ZHX1: variants seen among roughly 807,000 people sequenced by gnomAD.
ZHX1 encodes the protein zinc fingers and homeoboxes protein 1.
Under a neutral mutation model 61.8 loss-of-function variants are expected in ZHX1, and 20 were observed. That is an observed-to-expected ratio of 0.32 (90% CI 0.23 to 0.47). The LOEUF (loss-of-function observed/expected upper bound fraction) is 0.47. ZHX1 is among the 20% of genes least tolerant of loss of function. The pLI is 1.00. For synonymous variants in ZHX1, 318 were observed against 352.6 expected (o/e 0.90, Z 1.10); for missense variants, 800 against 1,034.8 (o/e 0.77, Z 3.11).
chr8:123,250,759 G>C (rs1371741535), intron 3 of ZHX1, among the ~76,000 whole-genome samples: 1 of 152,188 alleles, frequency 6.6e-6, no homozygotes, highest in African/African-American at 2.4e-5. Flanking sequence ...TAACTATTTA[G>C]AGAAGGCTAT....
Position 123,250,004 on chromosome 8 carries a change from T to C in ZHX1, c.*320A>G. On this transcript the variant is annotated 3_prime_UTR_variant, in exon 4 of 4. Coordinates refer to ENST00000395571, the MANE Select transcript of ZHX1 (RefSeq NM_007222.5). The stretch of plus-strand genomic sequence containing the variant: ...TGAATATGAGGACAAGCTCTAGTGG[T>C]CATTAAACCCCCTCAGAAAGTCTAA... 1 of 304,736 alleles carries C rather than the reference T, an allele frequency of 3.3e-6. No individual in the cohort carries two copies. The highest frequency in any genetic ancestry group is 2.7e-5 in the South Asian group (1 of 36,412). The allele number at this position is 304,736 out of a possible 1,614,324, so 18.9% of individuals were successfully genotyped here.
chr8:123,262,321 G>C (rs1438293179), intron 2 of ZHX1, among the ~76,000 whole-genome samples: 1 of 152,056 alleles, frequency 6.6e-6, no homozygotes, highest in African/African-American at 2.4e-5. Flanking sequence ...AAGGAATATG[G>C]AAAAACTACC....
At chr8:123,260,450 T>C (rs1826212098) in intron 2 of ZHX1, among the ~76,000 whole-genome samples, 1 of 149,874 alleles carries the variant, frequency 6.7e-6, no homozygotes, top group Admixed American at 6.7e-5. Flanking sequence ...AATATAAAAG[T>C]TAGCCGGGCG....
chr8:123,267,712 A>T (rs1022968081), intron 1 of ZHX1, among the ~76,000 whole-genome samples: 6 of 152,166 alleles, frequency 3.9e-5, no homozygotes, highest in Admixed American at 6.6e-5. Context: ...CTTTAAAATG[A>T]GTATACCGGC....
chr8:123,268,160 A>G (rs773909284), intron 1 of ZHX1, among the ~76,000 whole-genome samples: 1 of 152,224 alleles, frequency 6.6e-6, no homozygotes, highest in Non-Finnish European at 1.5e-5. Context: ...AGGATTATTA[A>G]TGCTGACAAC....
Position 123,256,144 on chromosome 8 carries a change from G to A in ZHX1, c.-198C>T. Reference sequence around the variant, plus strand: ...GCAGATAAAATACTGCTGAATTTCTGAAATTTTTGAAGCACAACTCCAATC... The same window carrying A: ...GCAGATAAAATACTGCTGAATTTCTAAAATTTTTGAAGCACAACTCCAATC... On this transcript the variant is annotated 5_prime_UTR_variant, in exon 3 of 4. It introduces an in-frame stop codon into an upstream open reading frame of the 5' UTR. Transcript: ENST00000395571. 2.3e-6 allele frequency: 1 copy of A among 435,152 alleles called. No homozygotes were observed. The allele number at this position is 435,152 out of a possible 1,614,324, so 27.0% of individuals were successfully genotyped here.
At chr8:123,260,246 C>T (rs755833613) in intron 2 of ZHX1, among the ~76,000 whole-genome samples, 3 of 152,120 alleles carry the variant, frequency 2.0e-5, no homozygotes, top group East Asian at 1.9e-4. Flanking sequence ...CCAAATTCCA[C>T]GAATCTTACA....
intron 2 of ZHX1, 52 bp from the exon 3 acceptor site, chr8:123,256,223 T>C (rs1826066148): frequency 1.1e-5 from 3 of 281,022 alleles, no homozygotes; most frequent in Non-Finnish European, 2.0e-5. Context: ...TATGATCTTT[T>C]AAACAAATTA....
intron 1 of ZHX1, chr8:123,273,632 C>A (rs1200914939): frequency 2.0e-5 from 3 of 152,262 alleles, no homozygotes; most frequent in African/African-American, 7.2e-5. Flanking sequence ...GAAGGGTTTG[C>A]TGGGGCTCCA....
rs573645796 is a variant in ZHX1 at position 123,263,592 on chromosome 8, G to C, written c.-226+3681C>G. On this transcript the variant is annotated intron_variant, in intron 2 of 3. Coordinates refer to ENST00000395571, the MANE Select transcript of ZHX1 (RefSeq NM_007222.5). ...CACATCTGTAATTCCAGCACTTTGG[G>C]AGGCCAAAGTGGGCAGATCAATTGA... Among the ~76,000 whole-genome samples, 3 of 152,208 alleles carry C rather than the reference G, an allele frequency of 2.0e-5. No homozygotes were observed. The South Asian group carries it at 6.2e-4, about 32-fold the overall frequency.
chr8:123,252,559 T>G (rs2131186548), intron 3 of ZHX1: 1 of 152,308 alleles, frequency 6.6e-6, no homozygotes, highest in South Asian at 2.1e-4. Flanking sequence ...AGCAATTGGG[T>G]TTATATCAAA....
intron 2 of ZHX1, among the ~76,000 whole-genome samples, chr8:123,262,484 T>G (rs773122052): frequency 3.9e-5 from 6 of 152,216 alleles, no homozygotes; most frequent in Admixed American, 2.0e-4. Context: ...ATGTGTGATA[T>G]TCACAAGTTT....
chr8:123,267,713 G>A (rs1826502650), intron 1 of ZHX1, among the ~76,000 whole-genome samples: 1 of 152,094 alleles, frequency 6.6e-6, no homozygotes, highest in African/African-American at 2.4e-5. Context: ...TTTAAAATGA[G>A]TATACCGGCC....
intron 3 of ZHX1, chr8:123,252,384 A>C (rs1825943021): frequency 6.6e-6 from 1 of 152,234 alleles, no homozygotes; most frequent in Non-Finnish European, 1.5e-5. Context: ...ACTTTAATTA[A>C]TCCAATTTAT....
intron 2 of ZHX1, among the ~76,000 whole-genome samples, chr8:123,261,798 A>T (rs952947793): frequency 7.2e-5 from 11 of 152,220 alleles, no homozygotes; most frequent in African/African-American, 2.7e-4. Flanking sequence ...ACATTTTTTA[A>T]TATTATAAAT....
chr8:123,251,391 T>G (rs1825914817), intron 3 of ZHX1, among the ~76,000 whole-genome samples: 1 of 152,242 alleles, frequency 6.6e-6, no homozygotes, highest in Non-Finnish European at 1.5e-5. Flanking sequence ...AGTGCATGTA[T>G]AGCATACATC....
At chr8:123,259,779 T>C (rs1826190253) in intron 2 of ZHX1, among the ~76,000 whole-genome samples, 1 of 152,240 alleles carries the variant, frequency 6.6e-6, no homozygotes, top group South Asian at 2.1e-4. Flanking sequence ...TTCCTCAAAG[T>C]GGTGGTTTTC....
intron 2 of ZHX1, among the ~76,000 whole-genome samples, chr8:123,265,189 C>CAAAA (rs34237102): frequency 1.0e-5 from 1 of 99,632 alleles, no homozygotes; most frequent in Non-Finnish European, 2.1e-5. Context: ...AACTCTGTCT[C>CAAAA]AAAAAAAAAA....
In ZHX1 at chr8:123,249,041, A is replaced by T. The variant is rs1203467707; in HGVS notation, c.*1283T>A. The T allele has an allele frequency of 6.6e-6, 1 of 152,630 alleles. No individual in the cohort carries two copies. Among genetic ancestry groups the T allele is most frequent in the Non-Finnish European group, 1.5e-5 (1 of 68,016 alleles). The allele number at this position is 152,630 out of a possible 1,614,324, so 9.5% of individuals were successfully genotyped here. A position where few individuals can be genotyped will look rare whatever the true frequency, so the allele number is the denominator to read the frequency against. On this transcript the variant is annotated 3_prime_UTR_variant, in exon 4 of 4. Transcript: ENST00000395571. The stretch of plus-strand genomic sequence containing the variant: ...TTTTCATAACATTTTCAATGGCTGA[A>T]AAACATTTAACCAAGAGCTTAATAT...
Sources: allele counts gnomAD v4.1 joint callset (sites outside exome capture counted in the v4.1 genomes callset), GRCh38; gene constraint gnomAD v4.1.1; transcripts MANE v1.5; gene names NCBI Gene and HGNC (gene_info 2026-07-23, HGNC 2026-07-21).